GPCPD1: variants seen among roughly 807,000 people sequenced by gnomAD.
GPCPD1 encodes the protein glycerophosphocholine phosphodiesterase GPCPD1.
Under a neutral mutation model 89.2 loss-of-function variants are expected in GPCPD1, and 29 were observed. The ratio of observed to expected loss-of-function variants is 0.33; its 90% CI spans 0.24 to 0.44. GPCPD1 has a LOEUF of 0.44. Among genes scored for constraint, GPCPD1 ranks in the 20% least tolerant of loss-of-function variants. The pLI, the probability that GPCPD1 is intolerant of heterozygous loss-of-function variation, is 1.00. For missense variants in GPCPD1, 594 were observed against 808.9 expected, an observed-to-expected ratio of 0.73 and a Z score of 3.22; for synonymous variants, 258 against 266.3, an observed-to-expected ratio of 0.97 and a Z score of 0.30.
At chr20:5,573,294 C>T (rs577181964) in intron 11 of GPCPD1, among the ~76,000 whole-genome samples, 231 of 152,196 alleles carry the variant, frequency 1.5e-3, no homozygotes, top group Non-Finnish European at 2.6e-3. Flanking sequence ...CCATGTTGGC[C>T]AGGCTGGTCT....
rs1048279289 is a variant in GPCPD1 at position 5,579,995 on chromosome 20, A to C, written c.473+13T>G. 1 of 1,520,116 alleles carries C rather than the reference A, an allele frequency of 6.6e-7. No individual in the cohort carries two copies. The highest frequency in any genetic ancestry group is 9.1e-7 in the Non-Finnish European group (1 of 1,103,504). 94.2% of individuals were successfully genotyped at this position (1,520,116 alleles called of 1,614,324 possible). A position where few individuals can be genotyped will look rare whatever the true frequency, so the allele number is the denominator to read the frequency against. Reference sequence around the variant, plus strand: ...AAACAAATAGCCTAAGTAACACATAAACATGGTCATACCTAAATCTAGATT... The same window carrying C: ...AAACAAATAGCCTAAGTAACACATACACATGGTCATACCTAAATCTAGATT... On this transcript the variant is annotated intron_variant, in intron 7 of 19. Coordinates refer to ENST00000379019, the MANE Select transcript of GPCPD1 (RefSeq NM_019593.5).
chr20:5,584,228 A>T (rs1270016219), intron 6 of GPCPD1, 53 bp downstream of exon 6: 2 of 837,228 alleles, frequency 2.4e-6, no homozygotes. Flanking sequence ...TGAAATGTAA[A>T]GTAACAATCT....
At chr20:5,599,691 A>G (rs1384761416) in intron 2 of GPCPD1, among the ~76,000 whole-genome samples, 1 of 151,788 alleles carries the variant, frequency 6.6e-6, no homozygotes, top group Non-Finnish European at 1.5e-5. Context: ...AGTAGCTGGG[A>G]TTACAAGTGC....
chr20:5,593,189 G>T (rs1600787934), intron 4 of GPCPD1, 138 bp downstream of exon 4: 1 of 531,014 alleles, frequency 1.9e-6, no homozygotes. Context: ...CCTTGGTTTT[G>T]GTAAATTTTA....
intron 6 of GPCPD1, among the ~76,000 whole-genome samples, 169 bp downstream of exon 6, chr20:5,584,112 T>C (rs182147028): frequency 6.6e-6 from 1 of 152,322 alleles, no homozygotes; most frequent in African/African-American, 2.4e-5. Context: ...TCAGCTTCAT[T>C]ATAATCATAT....
chr20:5,580,977 G>A (rs1978438302), intron 6 of GPCPD1, among the ~76,000 whole-genome samples: 1 of 151,580 alleles, frequency 6.6e-6, no homozygotes, highest in South Asian at 2.1e-4. Context: ...AGGTTCAAGA[G>A]ATTCTCATGC....
intron 2 of GPCPD1, among the ~76,000 whole-genome samples, chr20:5,603,367 T>C (rs1980311334): frequency 6.6e-6 from 1 of 152,062 alleles, no homozygotes; most frequent in African/African-American, 2.4e-5. Flanking sequence ...CAAGAGGTGC[T>C]ATAAAATAGG....
intron 1 of GPCPD1, among the ~76,000 whole-genome samples, chr20:5,610,155 C>A (rs1980861568): frequency 6.6e-6 from 1 of 152,136 alleles, no homozygotes; most frequent in South Asian, 2.1e-4. Context: ...CTGATGAGGA[C>A]ACCTAAGTGA....
intron 3 of GPCPD1, among the ~76,000 whole-genome samples, chr20:5,596,599 G>A (rs1979747102): frequency 6.6e-6 from 1 of 152,116 alleles, no homozygotes; most frequent in Non-Finnish European, 1.5e-5. Flanking sequence ...ATCTTCAGCA[G>A]TATTAGGAAA....
chr20:5,566,899 A>G (rs547740874), intron 13 of GPCPD1, 127 bp from the exon 14 acceptor site: 3 of 663,086 alleles, frequency 4.5e-6, no homozygotes, highest in South Asian at 3.6e-5. Context: ...TATCAGTTTA[A>G]TAAGAATAAG....
chr20:5,587,039 A>G (rs1485883415), intron 4 of GPCPD1, among the ~76,000 whole-genome samples: 1 of 152,218 alleles, frequency 6.6e-6, no homozygotes, highest in African/African-American at 2.4e-5. Flanking sequence ...ACATAAAGCT[A>G]TGTGTTGATA....
rs186267257 is a variant in GPCPD1 at position 5,551,465 on chromosome 20, A to G, written c.1830-3615T>C. Among the ~76,000 whole-genome samples the G allele has an allele frequency of 9.8e-5, 15 of 152,340 alleles. No individual in the cohort carries two copies. In the East Asian group the frequency reaches 2.7e-3, roughly 27 times the overall value. On this transcript the variant is annotated intron_variant, in intron 19 of 19. Coordinates refer to ENST00000379019, the MANE Select transcript of GPCPD1 (RefSeq NM_019593.5). ...CACTATAAAATAGCAATTACTTGGCAGCAACCTAAATGTTCCTAAATAGCA... is the reference window on the plus strand; with the variant it reads ...CACTATAAAATAGCAATTACTTGGCGGCAACCTAAATGTTCCTAAATAGCA...
chr20:5,596,221 T>A (rs1979713337), intron 3 of GPCPD1, among the ~76,000 whole-genome samples: 1 of 151,824 alleles, frequency 6.6e-6, no homozygotes, highest in South Asian at 2.1e-4. Flanking sequence ...CTCAACACAG[T>A]GAAACCTCAT....
chr20:5,607,660 C>CTT (rs970429539), intron 1 of GPCPD1, among the ~76,000 whole-genome samples: 1 of 151,854 alleles, frequency 6.6e-6, no homozygotes, highest in Non-Finnish European at 1.5e-5. Context: ...CTTTCTGCAT[C>CTT]TAAGAGTAAA....
chr20:5,605,328 C>A (rs1163980281), intron 1 of GPCPD1, among the ~76,000 whole-genome samples: 1 of 152,100 alleles, frequency 6.6e-6, no homozygotes, highest in African/African-American at 2.4e-5. Context: ...AGAAGAAAAA[C>A]AACTATAGAG....
chr20:5,559,039 C>T (rs185162227), intron 17 of GPCPD1, among the ~76,000 whole-genome samples: 1 of 151,910 alleles, frequency 6.6e-6, no homozygotes, highest in South Asian at 2.1e-4. Flanking sequence ...CCCATCTCTA[C>T]TAAAAATACA....
chr20:5,559,502 T>C (rs541145776), intron 17 of GPCPD1, among the ~76,000 whole-genome samples: 1 of 152,328 alleles, frequency 6.6e-6, no homozygotes, highest in South Asian at 2.1e-4. Flanking sequence ...GGAGGACTGC[T>C]TGTGCCCGAG....
intron 1 of GPCPD1, among the ~76,000 whole-genome samples, chr20:5,609,645 T>C (rs2080076126): frequency 1.3e-5 from 2 of 152,214 alleles, no homozygotes; most frequent in African/African-American, 4.8e-5. Context: ...CTCACTTTGC[T>C]ACGATGAGTT....
Position 5,545,447 on chromosome 20 carries a change from T to C in GPCPD1, c.*2214A>G, listed in dbSNP as rs1984986234. ...GCCGTGGAGCACAAAGACGGATTCA[T>C]CCTTCCTGAAGTTTCCACAAGGGCT... On this transcript the variant is annotated 3_prime_UTR_variant, in exon 20 of 20. Transcript: ENST00000379019. 1 of 152,196 alleles carries C rather than the reference T, an allele frequency of 6.6e-6. No individual in the cohort carries two copies. Among genetic ancestry groups the C allele is most frequent in the South Asian group, 2.1e-4 (1 of 4,826 alleles). The allele number at this position is 152,196 out of a possible 1,614,324, so 9.4% of individuals were successfully genotyped here.
Sources: allele counts gnomAD v4.1 joint callset (sites outside exome capture counted in the v4.1 genomes callset), GRCh38; gene constraint gnomAD v4.1.1; transcripts MANE v1.5; gene names NCBI Gene and HGNC (gene_info 2026-07-23, HGNC 2026-07-21).